ELAVL4: variants seen among roughly 807,000 people sequenced by gnomAD.
ELAVL4 encodes ELAV like RNA binding protein 4.
In ELAVL4, 1 loss-of-function variant was observed where a neutral mutation model predicts 35.6. That is an observed-to-expected ratio of 0.03 (90% CI 0.01 to 0.13). The LOEUF (loss-of-function observed/expected upper bound fraction) is 0.13. Ranked by LOEUF, ELAVL4 falls within the 10% of genes least tolerant of loss-of-function variation. ELAVL4 has a pLI of 1.00. For missense variants in ELAVL4, 267 were observed against 464.9 expected, an observed-to-expected ratio of 0.57 and a Z score of 3.91; for synonymous variants, 156 against 171.0, an observed-to-expected ratio of 0.91 and a Z score of 0.69.
chr1:50,162,882 C>A (rs1465103668), intron 2 of ELAVL4, among the ~76,000 whole-genome samples: 1 of 152,222 alleles, frequency 6.6e-6, no homozygotes, highest in African/African-American at 2.4e-5. Context: ...CTGCACCCAG[C>A]CAGTCCTGTT....
intron 2 of ELAVL4, among the ~76,000 whole-genome samples, chr1:50,165,547 A>ATG (rs1557816044): frequency 1.3e-5 from 2 of 149,240 alleles, no homozygotes; most frequent in African/African-American, 4.9e-5. Context: ...ATATGTATAT[A>ATG]TAGTATATAT....
intron 2 of ELAVL4, among the ~76,000 whole-genome samples, chr1:50,167,831 GT>G (rs1395049875): frequency 6.6e-6 from 1 of 152,168 alleles, no homozygotes; most frequent in Non-Finnish European, 1.5e-5. Context: ...TATCTTCACA[GT>G]TTTTGACCAC....
chr1:50,048,944 GA>G (rs1663215252), intron 1 of ELAVL4, among the ~76,000 whole-genome samples: 1 of 152,102 alleles, frequency 6.6e-6, no homozygotes, highest in African/African-American at 2.4e-5. Context: ...TTGAAGTCTT[GA>G]ACCTGCAGGA....
intron 1 of ELAVL4, among the ~76,000 whole-genome samples, chr1:50,118,483 C>T (rs1005180809): frequency 4.3e-5 from 5 of 116,278 alleles, no homozygotes; most frequent in African/African-American, 9.2e-5. Context: ...TCATTACCCT[C>T]CCATTTGAAG....
At chr1:50,156,031 G>GCA (rs151228970) in intron 2 of ELAVL4, among the ~76,000 whole-genome samples, 34,534 of 149,254 alleles carry the variant, frequency 0.23, 3,945 homozygotes, top group East Asian at 0.35. Context: ...GCACAGGCAC[G>GCA]CACACACACA....
upstream of ELAVL4, among the ~76,000 whole-genome samples, chr1:50,098,961 G>A (rs1665834321): frequency 6.6e-6 from 1 of 152,186 alleles, no homozygotes; most frequent in African/African-American, 2.4e-5. Flanking sequence ...TGAAAGAAAA[G>A]CAGCCGTGGG....
At chr1:50,165,606 A>T (rs1043978125) in intron 2 of ELAVL4, among the ~76,000 whole-genome samples, 3 of 148,112 alleles carry the variant, frequency 2.0e-5, no homozygotes, top group Admixed American at 6.8e-5. Flanking sequence ...ACGTGTATGT[A>T]TACGTATACA....
chr1:50,101,204 T>A (rs1213657635), upstream of ELAVL4, among the ~76,000 whole-genome samples: 1 of 152,202 alleles, frequency 6.6e-6, no homozygotes, highest in African/African-American at 2.4e-5. Flanking sequence ...AACTCAGCAC[T>A]ACTTGGAAAT....
intron 1 of ELAVL4, among the ~76,000 whole-genome samples, chr1:50,091,607 A>G (rs962849523): frequency 2.0e-5 from 3 of 152,194 alleles, no homozygotes; most frequent in South Asian, 2.1e-4. Context: ...TTTGTCACCT[A>G]TTGTTCCGTA....
chr1:50,106,471 G>C (rs530849865), upstream of ELAVL4: 10 of 1,151,828 alleles, frequency 8.7e-6, no homozygotes, highest in South Asian at 1.3e-4. Flanking sequence ...GCTTGAGTGA[G>C]ACAAGTTTCT....
intron 2 of ELAVL4, among the ~76,000 whole-genome samples, chr1:50,161,780 C>G (rs1486524535): frequency 6.6e-6 from 1 of 152,186 alleles, no homozygotes; most frequent in Admixed American, 6.5e-5. Context: ...GCCTGGAGTG[C>G]AAGGGCAGGA....
At chr1:50,060,760 T>C (rs1663920892) in intron 1 of ELAVL4, among the ~76,000 whole-genome samples, 1 of 152,194 alleles carries the variant, frequency 6.6e-6, no homozygotes, top group African/African-American at 2.4e-5. Context: ...CTCCACACTT[T>C]ACAGGCCCAG....
At chr1:50,094,865 G>A (rs1040998230) in intron 1 of ELAVL4, among the ~76,000 whole-genome samples, 10 of 152,164 alleles carry the variant, frequency 6.6e-5, no homozygotes, top group African/African-American at 2.4e-4. Flanking sequence ...GGGAGGCAGA[G>A]GTTGCAGTGA....
intron 1 of ELAVL4, among the ~76,000 whole-genome samples, chr1:50,057,552 T>C (rs1339354749): frequency 6.6e-6 from 1 of 152,238 alleles, no homozygotes; most frequent in Admixed American, 6.5e-5. Flanking sequence ...GTACTGTTTT[T>C]AATCTTTTAT....
At chr1:50,059,944 G>A (rs1663871774) in intron 1 of ELAVL4, among the ~76,000 whole-genome samples, 1 of 152,114 alleles carries the variant, frequency 6.6e-6, no homozygotes, top group African/African-American at 2.4e-5. Flanking sequence ...CAGGGGTTAG[G>A]GAGCAGGGGT....
intron 2 of ELAVL4, among the ~76,000 whole-genome samples, chr1:50,146,528 A>G (rs1673756980): frequency 6.6e-6 from 1 of 152,180 alleles, no homozygotes; most frequent in South Asian, 2.1e-4. Flanking sequence ...TATTGTAAGT[A>G]CAGCTAGTAT....
chr1:50,082,592 T>C (rs1196308164), intron 1 of ELAVL4, among the ~76,000 whole-genome samples: 2 of 152,196 alleles, frequency 1.3e-5, no homozygotes, highest in Non-Finnish European at 2.9e-5. Context: ...GTCAGATGGA[T>C]AGATTGCAAA....
chr1:50,164,718 C>G (rs564559412), intron 2 of ELAVL4, among the ~76,000 whole-genome samples: 1 of 152,142 alleles, frequency 6.6e-6, no homozygotes, highest in African/African-American at 2.4e-5. Context: ...CTTATGGGAT[C>G]GGGTTCCGCT....
intron 1 of ELAVL4, among the ~76,000 whole-genome samples, chr1:50,070,050 C>A (rs746444140): frequency 2.6e-5 from 4 of 152,286 alleles, no homozygotes; most frequent in Non-Finnish European, 5.9e-5. Flanking sequence ...CAGGGAATAG[C>A]TAGACTAGCA....
Sources: gnomAD v4.1 joint callset for allele counts (sites outside exome capture counted in the v4.1 genomes callset) on GRCh38, gnomAD v4.1.1 for gene constraint, MANE v1.5 for transcripts, NCBI Gene and HGNC (gene_info 2026-07-23, HGNC 2026-07-21) for gene names.